Variants in KIF26B observed in about 807,000 individuals in gnomAD.
The protein encoded by KIF26B is kinesin-like protein KIF26B.
Under a neutral mutation model 151.2 loss-of-function variants are expected in KIF26B, and 63 were observed. The ratio of observed to expected loss-of-function variants is 0.42; its 90% CI spans 0.34 to 0.51. KIF26B has a LOEUF of 0.51. Ranked by LOEUF, KIF26B falls within the 20% of genes least tolerant of loss-of-function variation. KIF26B has a pLI of 0.07. For missense variants in KIF26B, 2,813 were observed against 2,913.6 expected (o/e 0.97, Z 0.79); for synonymous variants, 1,357 against 1,262.1 (o/e 1.08, Z -1.59).
rs542341710 is a variant in KIF26B at position 245,385,033 on chromosome 1, C to T, written c.999+17666C>T. Among the ~76,000 whole-genome samples, 6 of 152,270 alleles carry T rather than the reference C, an allele frequency of 3.9e-5. No homozygotes were observed. In the South Asian group the frequency reaches 8.3e-4, roughly 21 times the overall value. On this transcript the variant is annotated intron_variant, in intron 3 of 14. Coordinates refer to ENST00000407071, the MANE Select transcript of KIF26B (RefSeq NM_018012.4). ...TCATCTAGCTTGTAAATTATTCATA[C>T]TTTTCCCCCTCACCTCACTCCTCTC...
At chr1:245,467,137 T>C (rs1177708457) in intron 4 of KIF26B, among the ~76,000 whole-genome samples, 1 of 152,208 alleles carries the variant, frequency 6.6e-6, no homozygotes, top group East Asian at 1.9e-4. Flanking sequence ...CTTTGGACTT[T>C]GGACATTTGG....
At chr1:245,319,581 C>T (rs889685984) in intron 2 of KIF26B, among the ~76,000 whole-genome samples, 9 of 151,914 alleles carry the variant, frequency 5.9e-5, no homozygotes, top group African/African-American at 1.5e-4. Context: ...CAAACTATTC[C>T]GTGATCTCCA....
intron 2 of KIF26B, among the ~76,000 whole-genome samples, chr1:245,267,221 C>T (rs760499862): frequency 7.2e-5 from 11 of 152,226 alleles, no homozygotes; most frequent in Middle Eastern, 3.2e-3. Flanking sequence ...CTGTGGCCAT[C>T]TTCTCTACTA....
rs139950304 is a variant in KIF26B, at chr1:245,166,628, C to T, written c.465+9945C>T. Among the ~76,000 whole-genome samples, 52 of 152,302 alleles carry T rather than the reference C, an allele frequency of 3.4e-4. No individual in the cohort carries two copies. The East Asian group carries it at 3.7e-3, about 11-fold the overall frequency. ...GGGAATGAGGGAGAGCAGATTTCCT[C>T]CAGTGACTGCGCATGCGATGTGCAG... is the stretch of plus-strand genomic sequence containing the variant. On this transcript the variant is annotated intron_variant, in intron 2 of 14. Coordinates refer to ENST00000407071, the MANE Select transcript of KIF26B (RefSeq NM_018012.4). The surrounding 1 kb of genome is among the most constrained non-coding windows in gnomAD (Gnocchi z 4.5).
At chr1:245,312,476 C>A (rs9428639) in intron 2 of KIF26B, among the ~76,000 whole-genome samples, 90,394 of 151,750 alleles carry the variant, frequency 0.6, 27,387 homozygotes, top group East Asian at 0.75. Context: ...AGGAGGGGAG[C>A]TTAAAACAAT....
At chr1:245,493,535 G>C (rs1660450921) in intron 4 of KIF26B, among the ~76,000 whole-genome samples, 1 of 152,218 alleles carries the variant, frequency 6.6e-6, no homozygotes, top group Non-Finnish European at 1.5e-5. Context: ...AACGGCCTTT[G>C]GAGTGTAACC....
At chr1:245,526,280 C>T (rs1029388778) in intron 4 of KIF26B, among the ~76,000 whole-genome samples, 5 of 152,168 alleles carry the variant, frequency 3.3e-5, no homozygotes, top group African/African-American at 1.2e-4. Context: ...CTGACGGTAG[C>T]ATAGACAGGA....
chr1:245,600,915 G>A (rs1011141115), intron 5 of KIF26B, among the ~76,000 whole-genome samples: 1 of 152,188 alleles, frequency 6.6e-6, no homozygotes, highest in Non-Finnish European at 1.5e-5. Context: ...TGGAAAAAGT[G>A]TAGGCATTGG....
chr1:245,689,023 C>G (rs1184157864), intron 12 of KIF26B, among the ~76,000 whole-genome samples: 2 of 152,128 alleles, frequency 1.3e-5, no homozygotes, highest in African/African-American at 4.8e-5. Flanking sequence ...CGGCCCGGCA[C>G]CCCGCGGGGC....
chr1:245,231,143 A>G (rs1242048086), intron 2 of KIF26B, among the ~76,000 whole-genome samples: 1 of 152,174 alleles, frequency 6.6e-6, no homozygotes, highest in Non-Finnish European at 1.5e-5. Context: ...AAAAAGTGAT[A>G]TATAAGCTAG....
In KIF26B at chr1:245,488,658, T is replaced by G. The variant is rs942986616; in HGVS notation, c.1167-52109T>G. ...CCATCCTCCTCTGTCTGGCTTTTGA[T>G]GAACTGAAGACTGGGGTCCGGGTTG... On this transcript the variant is annotated intron_variant, in intron 4 of 14. Transcript: ENST00000407071. The surrounding 1 kb of genome is among the most constrained non-coding windows in gnomAD (Gnocchi z 4.6). Among the ~76,000 whole-genome samples the G allele has an allele frequency of 4.6e-5, 7 of 152,228 alleles. No individual in the cohort carries two copies. The highest frequency in any genetic ancestry group is 1.0e-4 in the Non-Finnish European group (7 of 68,042).
intron 2 of KIF26B, among the ~76,000 whole-genome samples, chr1:245,306,384 C>CA (rs1249625072): frequency 6.6e-6 from 1 of 152,082 alleles, no homozygotes; most frequent in Non-Finnish European, 1.5e-5. Context: ...TGAATTGGGA[C>CA]GTTGCAGCTA....
intron 2 of KIF26B, among the ~76,000 whole-genome samples, chr1:245,355,621 A>AGAC (rs1672678798): frequency 6.6e-6 from 1 of 151,398 alleles, no homozygotes; most frequent in Non-Finnish European, 1.5e-5. Flanking sequence ...AAGAAGAAGA[A>AGAC]GAAGAAAGAA....
intron 4 of KIF26B, among the ~76,000 whole-genome samples, chr1:245,439,621 T>TA (rs1386745888): frequency 2.0e-5 from 3 of 152,032 alleles, no homozygotes; most frequent in Non-Finnish European, 4.4e-5. Flanking sequence ...TTTTAGGTAA[T>TA]AAAAAATCAT....
intron 3 of KIF26B, among the ~76,000 whole-genome samples, chr1:245,383,758 C>T (rs753799883): frequency 1.2e-4 from 18 of 152,044 alleles, no homozygotes; most frequent in Non-Finnish European, 2.2e-4. Context: ...AAAGGATGAA[C>T]GGTGGTTGCT....
intron 10 of KIF26B, among the ~76,000 whole-genome samples, chr1:245,646,737 C>T (rs970934762): frequency 6.6e-6 from 1 of 152,164 alleles, no homozygotes; most frequent in African/African-American, 2.4e-5. Flanking sequence ...TATAAGTATG[C>T]ACCCCAACAT....
chr1:245,483,275 G>A (rs2103070040), intron 4 of KIF26B, among the ~76,000 whole-genome samples: 1 of 151,994 alleles, frequency 6.6e-6, no homozygotes, highest in Middle Eastern at 3.4e-3. Context: ...GGCATGTGCT[G>A]GGTGCACCAT....
intron 2 of KIF26B, among the ~76,000 whole-genome samples, chr1:245,344,007 C>T (rs1672387866): frequency 1.3e-5 from 2 of 152,154 alleles, no homozygotes; most frequent in Non-Finnish European, 2.9e-5. Flanking sequence ...GCAGGTAGGG[C>T]TCTGGCCTTG....
At chr1:245,344,449 C>G (rs1358307155) in intron 2 of KIF26B, among the ~76,000 whole-genome samples, 3 of 144,182 alleles carry the variant, frequency 2.1e-5, no homozygotes, top group African/African-American at 5.2e-5. Context: ...GAGCCGAGAT[C>G]GCGCCACTGC....
Sources: gnomAD v4.1 joint callset for allele counts (sites outside exome capture counted in the v4.1 genomes callset) on GRCh38, gnomAD v4.1.1 for gene constraint, Gnocchi (gnomAD v3.1) non-coding constraint, MANE v1.5 for transcripts, NCBI Gene and HGNC (gene_info 2026-07-23, HGNC 2026-07-21) for gene names.